Variants in TMEM132D observed in about 807,000 individuals in gnomAD.
TMEM132D encodes mature OL transmembrane protein.
TMEM132D carries 21 observed loss-of-function variants against 62.3 expected under a neutral mutation model. The observed-to-expected ratio is 0.34, with a 90% CI of 0.24 to 0.49. The LOEUF (loss-of-function observed/expected upper bound fraction) is 0.49. Among genes scored for constraint, TMEM132D ranks in the 20% least tolerant of loss-of-function variants. TMEM132D has a pLI of 0.99. For missense variants in TMEM132D, 1,346 were observed against 1,402.8 expected (o/e 0.96, Z 0.65); for synonymous variants, 621 against 575.6 (o/e 1.08, Z -1.13).
rs555677702 is a variant in TMEM132D at position 129,743,835 on chromosome 12, A to T, written c.80-43137T>A. 1.1e-4 allele frequency among the ~76,000 whole-genome samples: 17 copies of T among 152,336 alleles called. No homozygotes were observed. In the South Asian group the frequency reaches 3.5e-3, roughly 32 times the overall value. ...TAATGATGAAGGCAGAGCTTGGAACAGGAGCAGCCTCTAGAAGCTGAAAAC... is the reference window on the plus strand; with the variant it reads ...TAATGATGAAGGCAGAGCTTGGAACTGGAGCAGCCTCTAGAAGCTGAAAAC... On this transcript the variant is annotated intron_variant, in intron 1 of 8. Transcript: ENST00000422113.
intron 1 of TMEM132D, among the ~76,000 whole-genome samples, chr12:129,747,862 AC>A (rs1869864758): frequency 4.4e-5 from 1 of 22,916 alleles, no homozygotes; most frequent in Non-Finnish European, 1.3e-4. Flanking sequence ...ACACACACAC[AC>A]ACGACACACA....
intron 1 of TMEM132D, among the ~76,000 whole-genome samples, chr12:129,726,984 G>T (rs1053152285): frequency 2.0e-5 from 3 of 152,100 alleles, no homozygotes; most frequent in Admixed American, 1.3e-4. Context: ...ACCTCAGTGT[G>T]GATTTATTTG....
chr12:129,697,085 A>G (rs1233238633), intron 2 of TMEM132D, among the ~76,000 whole-genome samples: 1 of 152,184 alleles, frequency 6.6e-6, no homozygotes, highest in Admixed American at 6.5e-5. Flanking sequence ...GATCACAGGC[A>G]CGCCGCCGGG....
At chr12:129,578,312 T>C (rs547081098) in intron 2 of TMEM132D, among the ~76,000 whole-genome samples, 2 of 152,026 alleles carry the variant, frequency 1.3e-5, no homozygotes, top group Non-Finnish European at 1.5e-5. Context: ...TCAACCAACA[T>C]GATCATATGA....
intron 2 of TMEM132D, among the ~76,000 whole-genome samples, chr12:129,560,250 A>C (rs1877177815): frequency 7.0e-6 from 1 of 143,086 alleles, no homozygotes; most frequent in East Asian, 2.1e-4. Context: ...TTTTTGTTGT[A>C]GTTTTTTTGC....
intron 2 of TMEM132D, among the ~76,000 whole-genome samples, chr12:129,685,021 T>G (rs1880873350): frequency 6.6e-6 from 1 of 152,152 alleles, no homozygotes; most frequent in South Asian, 2.1e-4. Flanking sequence ...TATGTATTCA[T>G]GAAGATATGG....
chr12:129,114,959 A>G (rs780053707), intron 5 of TMEM132D, among the ~76,000 whole-genome samples: 4 of 152,144 alleles, frequency 2.6e-5, no homozygotes, highest in African/African-American at 4.8e-5. Context: ...GCTTCTGGCT[A>G]TGACTGATAA....
chr12:129,147,629 G>A (rs1029222898), intron 5 of TMEM132D, among the ~76,000 whole-genome samples: 8 of 152,010 alleles, frequency 5.3e-5, no homozygotes, highest in African/African-American at 1.2e-4. Flanking sequence ...GTTAGACAAC[G>A]TATTCGTGTT....
intron 3 of TMEM132D, among the ~76,000 whole-genome samples, chr12:129,470,714 C>A (rs527382515): frequency 6.6e-6 from 1 of 152,162 alleles, no homozygotes; most frequent in East Asian, 1.9e-4. Flanking sequence ...TTTTACAATT[C>A]TATAAACTGC....
chr12:129,512,997 T>C (rs1331314439), intron 3 of TMEM132D, among the ~76,000 whole-genome samples: 1 of 152,234 alleles, frequency 6.6e-6, no homozygotes, highest in Non-Finnish European at 1.5e-5. Flanking sequence ...TAGACGTATT[T>C]TGAAACCACC....
In TMEM132D at chr12:129,812,766, G is replaced by A. The variant is rs150299521; in HGVS notation, c.79+90495C>T. 1.5e-4 allele frequency among the ~76,000 whole-genome samples: 22 copies of A among 151,656 alleles called. 1 individual carries two copies. In the East Asian group the frequency reaches 4.1e-3, roughly 28 times the overall value. The stretch of plus-strand genomic sequence containing the variant: ...GCTTCCCAATCTCTTTTCCTGGGCC[G>A]TTTGTGTGATCCAACCAAGATGTGG... On this transcript the variant is annotated intron_variant, in intron 1 of 8. Coordinates refer to ENST00000422113, the MANE Select transcript of TMEM132D (RefSeq NM_133448.3).
At chr12:129,861,420 T>G (rs1873891701) in intron 1 of TMEM132D, among the ~76,000 whole-genome samples, 1 of 152,112 alleles carries the variant, frequency 6.6e-6, no homozygotes, top group Non-Finnish European at 1.5e-5. Context: ...CCCACCAGGT[T>G]AGGAAAATGA....
Position 129,903,948 on chromosome 12 carries a change from C to T in TMEM132D, c.-609G>A, listed in dbSNP as rs980636099. ...ACCCAAAGTTTGGCGGGTGCGGCTG[C>T]TCCCCGGCCGCCGCCTCGGCCCGCC... On this transcript the variant is annotated 5_prime_UTR_variant, in exon 1 of 9. Coordinates refer to ENST00000422113, the MANE Select transcript of TMEM132D (RefSeq NM_133448.3). This position sits in a 1 kb window ranked among gnomAD's most constrained non-coding sequence, Gnocchi z 6.2. 6.7e-6 allele frequency among the ~76,000 whole-genome samples: 1 copy of T among 148,178 alleles called. No homozygotes were observed. The highest frequency in any genetic ancestry group is 6.7e-5 in the Admixed American group (1 of 14,898).
intron 1 of TMEM132D, among the ~76,000 whole-genome samples, chr12:129,836,681 A>G (rs1486670696): frequency 6.6e-6 from 1 of 152,142 alleles, no homozygotes; most frequent in Non-Finnish European, 1.5e-5. Flanking sequence ...GCATAAAATA[A>G]ACATCTCCCA....
chr12:129,513,804 TTTTA>T (rs201593908), intron 3 of TMEM132D, among the ~76,000 whole-genome samples: 4,707 of 133,972 alleles, frequency 0.035, 83 homozygotes, highest in African/African-American at 0.04. Flanking sequence ...CAATTTTTAT[TTTTA>T]TTTATTTATT....
chr12:129,214,820 G>A lies in TMEM132D; in HGVS notation c.1300-5157C>T, dbSNP rs193080764. Among the ~76,000 whole-genome samples, 18 of 152,316 alleles carry A rather than the reference G, an allele frequency of 1.2e-4. No homozygotes were observed. In the East Asian group the frequency reaches 3.3e-3, roughly 28 times the overall value. ...GATTTTTAAAAACCCACAGATACTG[G>A]TGACATTGTGGGGTAAAGGGAATAC... On this transcript the variant is annotated intron_variant, in intron 4 of 8. Transcript: ENST00000422113.
chr12:129,083,100 G>A (rs771259983), intron 6 of TMEM132D, among the ~76,000 whole-genome samples: 17 of 152,184 alleles, frequency 1.1e-4, no homozygotes, highest in Non-Finnish European at 2.1e-4. Flanking sequence ...AAGCCACTAC[G>A]TTAGACAGAA....
At chr12:129,556,124 T>A (rs2137109656) in intron 2 of TMEM132D, among the ~76,000 whole-genome samples, 1 of 152,290 alleles carries the variant, frequency 6.6e-6, no homozygotes, top group East Asian at 1.9e-4. Context: ...CCCTTTGCCT[T>A]CACTACACGA....
rs544446345 is a variant in TMEM132D, at chr12:129,181,074, G to T, written c.1443+28446C>A. On this transcript the variant is annotated intron_variant, in intron 5 of 8. Transcript: ENST00000422113. ...AAGGTGGTGGCTGGACTCAGGAGTC[G>T]CTGTGAAGATGGGGGATGTGGACAG... Among the ~76,000 whole-genome samples, 7 of 152,238 alleles carry T rather than the reference G, an allele frequency of 4.6e-5. No individual in the cohort carries two copies. In the East Asian group the frequency reaches 1.4e-3, roughly 29 times the overall value.
Sources: gnomAD v4.1 joint callset for allele counts (sites outside exome capture counted in the v4.1 genomes callset) on GRCh38, gnomAD v4.1.1 for gene constraint, Gnocchi (gnomAD v3.1) non-coding constraint, MANE v1.5 for transcripts, NCBI Gene and HGNC (gene_info 2026-07-23, HGNC 2026-07-21) for gene names.